The following CNOT4 variants were observed in gnomAD, a reference collection of about 807,000 sequenced individuals.
CNOT4 encodes the protein CCR4-NOT transcription complex subunit 4, also known as CCR4-associated factor 4.
CNOT4 carries 8 observed loss-of-function variants against 73.8 expected under a neutral mutation model. That is an observed-to-expected ratio of 0.11 (90% CI 0.06 to 0.20). The LOEUF (loss-of-function observed/expected upper bound fraction) is 0.20, where lower values mean the gene tolerates loss of function less well. Among genes scored for constraint, CNOT4 ranks in the 10% least tolerant of loss-of-function variants. The pLI, the probability that CNOT4 is intolerant of heterozygous loss-of-function variation, is 1.00. For synonymous variants in CNOT4, 293 were observed against 321.1 expected, an observed-to-expected ratio of 0.91 and a Z score of 0.94; for missense variants, 564 against 883.4, an observed-to-expected ratio of 0.64 and a Z score of 4.58.
chr7:135,436,571 G>A (rs1799168648), intron 2 of CNOT4, among the ~76,000 whole-genome samples: 1 of 151,258 alleles, frequency 6.6e-6, no homozygotes, highest in African/African-American at 2.4e-5. Flanking sequence ...TAATGTTAGG[G>A]TTTTCATTTA....
intron 1 of CNOT4, among the ~76,000 whole-genome samples, chr7:135,476,152 T>G (rs1353760873): frequency 6.6e-6 from 1 of 152,118 alleles, no homozygotes; most frequent in Non-Finnish European, 1.5e-5. Context: ...CAAAAAAACC[T>G]GAGAAAAATC....
At chr7:135,399,037 T>C (rs1006796570) in intron 7 of CNOT4, among the ~76,000 whole-genome samples, 1 of 152,058 alleles carries the variant, frequency 6.6e-6, no homozygotes, top group Non-Finnish European at 1.5e-5. Context: ...TGTAGTACCA[T>C]GGTAAAGTAA....
At chr7:135,509,729 AGAG>A (rs906461665) in intron 1 of CNOT4, 157 bp downstream of exon 1, 104 of 263,802 alleles carry the variant, frequency 3.9e-4, no homozygotes, top group South Asian at 9.3e-4. Flanking sequence ...AGAGGGAGGA[AGAG>A]GAGGAGGAGG....
chr7:135,488,633 T>C (rs1452035503), intron 1 of CNOT4, among the ~76,000 whole-genome samples: 1 of 152,186 alleles, frequency 6.6e-6, no homozygotes, highest in Non-Finnish European at 1.5e-5. Flanking sequence ...ATTTGCTGGG[T>C]TTTATGTTAA....
chr7:135,365,702 T>C (rs536572168), intron 10 of CNOT4, among the ~76,000 whole-genome samples: 10 of 152,244 alleles, frequency 6.6e-5, no homozygotes, highest in African/African-American at 2.4e-4. Context: ...GGAAGACCCA[T>C]GATTGAAAGG....
chr7:135,441,509 C>A (rs1364256045), intron 1 of CNOT4, among the ~76,000 whole-genome samples: 1 of 151,608 alleles, frequency 6.6e-6, no homozygotes, highest in African/African-American at 2.4e-5. Context: ...CAACTTTAAA[C>A]ATCCCAAAAC....
chr7:135,454,726 T>C (rs568002199), intron 1 of CNOT4, among the ~76,000 whole-genome samples: 1 of 151,972 alleles, frequency 6.6e-6, no homozygotes, highest in South Asian at 2.1e-4. Flanking sequence ...ACTCCATCTC[T>C]ACAAAAAGTA....
intron 1 of CNOT4, among the ~76,000 whole-genome samples, chr7:135,447,769 CAGCT>C (rs750157414): frequency 9.2e-5 from 14 of 152,122 alleles, no homozygotes; most frequent in Admixed American, 2.0e-4. Context: ...AACTGTAGGC[CAGCT>C]AGTTTGCAGG....
chr7:135,370,244 A>G (rs1475033476), intron 10 of CNOT4, among the ~76,000 whole-genome samples: 1 of 152,224 alleles, frequency 6.6e-6, no homozygotes, highest in African/African-American at 2.4e-5. Context: ...ATAAAAAAAG[A>G]GTTCTGAGCA....
intron 7 of CNOT4, among the ~76,000 whole-genome samples, chr7:135,407,349 A>G (rs951312714): frequency 6.6e-6 from 1 of 152,252 alleles, no homozygotes; most frequent in East Asian, 1.9e-4. Flanking sequence ...TACTTTTGGT[A>G]AATTCCAATA....
chr7:135,461,736 G>A (rs1486752074), intron 1 of CNOT4, among the ~76,000 whole-genome samples: 1 of 152,256 alleles, frequency 6.6e-6, no homozygotes, highest in East Asian at 1.9e-4. Flanking sequence ...GGAGGCTAAG[G>A]TGGGAGAATT....
At chr7:135,449,369 GA>G (rs1343459229) in intron 1 of CNOT4, among the ~76,000 whole-genome samples, 2 of 152,124 alleles carry the variant, frequency 1.3e-5, no homozygotes, top group Non-Finnish European at 2.9e-5. Context: ...ATATGTTTCT[GA>G]ATGTATATTT....
intron 1 of CNOT4, among the ~76,000 whole-genome samples, chr7:135,441,167 C>G (rs1799457190): frequency 6.6e-6 from 1 of 151,722 alleles, no homozygotes; most frequent in Non-Finnish European, 1.5e-5. Context: ...GTTGTTATTT[C>G]ACAAAAGACA....
At chr7:135,490,865 C>T (rs1195000961) in intron 1 of CNOT4, among the ~76,000 whole-genome samples, 1 of 152,124 alleles carries the variant, frequency 6.6e-6, no homozygotes, top group Non-Finnish European at 1.5e-5. Context: ...AGCAGGAAAA[C>T]CTGTTAAAAG....
rs142519544 is a variant in CNOT4, at chr7:135,373,034, A to T, written c.1628-8968T>A. 2.4e-3 allele frequency among the ~76,000 whole-genome samples: 368 copies of T among 152,334 alleles called. 1 individual carries two copies. The highest frequency in any genetic ancestry group is 8.5e-3 in the African/African-American group (355 of 41,572). On this transcript the variant is annotated intron_variant, in intron 10 of 11. Coordinates refer to ENST00000541284, the MANE Select transcript of CNOT4 (RefSeq NM_001190850.2). Reference sequence around the variant, plus strand: ...AAGAAAAGAAAATTAGAGGAAATCTAAAGAAGTTGGTTGTTACACAGGGAG... The same window carrying T: ...AAGAAAAGAAAATTAGAGGAAATCTTAAGAAGTTGGTTGTTACACAGGGAG...
At chr7:135,484,056 G>A (rs1447748953) in intron 1 of CNOT4, among the ~76,000 whole-genome samples, 1 of 151,988 alleles carries the variant, frequency 6.6e-6, no homozygotes, top group African/African-American at 2.4e-5. Context: ...TTAGCCAGAC[G>A]TGGTGGCAGG....
intron 1 of CNOT4, among the ~76,000 whole-genome samples, chr7:135,498,443 C>G (rs1490046085): frequency 6.6e-6 from 1 of 152,196 alleles, no homozygotes; most frequent in African/African-American, 2.4e-5. Context: ...TGACACAGGT[C>G]TAACTTGTGT....
intron 1 of CNOT4, among the ~76,000 whole-genome samples, chr7:135,458,936 T>C (rs1305494946): frequency 6.6e-6 from 1 of 152,098 alleles, no homozygotes. Flanking sequence ...AGGGATGTTA[T>C]TAATGGCTTC....
intron 2 of CNOT4, among the ~76,000 whole-genome samples, chr7:135,423,334 G>A (rs1798295558): frequency 6.6e-6 from 1 of 151,192 alleles, no homozygotes; most frequent in African/African-American, 2.4e-5. Flanking sequence ...ATACAAGAGT[G>A]GGGAACAACA....
Sources: allele counts gnomAD v4.1 joint callset (sites outside exome capture counted in the v4.1 genomes callset), GRCh38; gene constraint gnomAD v4.1.1; transcripts MANE v1.5; gene names NCBI Gene and HGNC (gene_info 2026-07-23, HGNC 2026-07-21).